Variants in BATF observed in about 807,000 individuals in gnomAD.
BATF encodes basic leucine zipper transcriptional factor ATF-like.
Under a neutral mutation model 13.7 loss-of-function variants are expected in BATF, and 5 were observed. That is an observed-to-expected ratio of 0.36 (90% confidence interval 0.19 to 0.77). The LOEUF (loss-of-function observed/expected upper bound fraction) is 0.77, where lower values mean the gene tolerates loss of function less well. Among genes scored for constraint, BATF ranks in the 30% least tolerant of loss-of-function variants. The pLI is 0.51. For synonymous variants in BATF, 72 were observed against 67.5 expected (o/e 1.07, Z -0.33); for missense variants, 124 against 163.0 (o/e 0.76, Z 1.30).
chr14:75,523,695 C>T (rs999832025), intron 1 of BATF, among the ~76,000 whole-genome samples: 1 of 152,204 alleles, frequency 6.6e-6, no homozygotes, highest in Non-Finnish European at 1.5e-5. Flanking sequence ...AGTTTAAAAA[C>T]TTCATTCTTT....
intron 2 of BATF, among the ~76,000 whole-genome samples, chr14:75,529,891 C>T (rs1205413004): frequency 5.3e-5 from 8 of 151,894 alleles, no homozygotes; most frequent in African/African-American, 1.7e-4. Flanking sequence ...AGTGAAACCC[C>T]GTCTCTACTA....
At chr14:75,538,431 T>C (rs958548202) in intron 2 of BATF, among the ~76,000 whole-genome samples, 3 of 152,198 alleles carry the variant, frequency 2.0e-5, no homozygotes, top group Non-Finnish European at 4.4e-5. Context: ...GTGCTGGCAG[T>C]GTGCACAGCC....
chr14:75,540,321 A>G (rs1316031546), intron 2 of BATF, among the ~76,000 whole-genome samples: 1 of 152,004 alleles, frequency 6.6e-6, no homozygotes, highest in African/African-American at 2.4e-5. Context: ...AAGCCCCTCC[A>G]GTAGGGGATT....
chr14:75,539,269 G>A (rs1203147285), intron 2 of BATF, among the ~76,000 whole-genome samples: 2 of 152,128 alleles, frequency 1.3e-5, no homozygotes, highest in African/African-American at 2.4e-5. Flanking sequence ...TTGAAGGAAG[G>A]AAGCCTTTGT....
At chr14:75,536,328 G>A (rs1200145925) in intron 2 of BATF, among the ~76,000 whole-genome samples, 1 of 152,220 alleles carries the variant, frequency 6.6e-6, no homozygotes, top group Non-Finnish European at 1.5e-5. Flanking sequence ...AGCCTAGAGA[G>A]CCTTGAGGCC....
intron 2 of BATF, among the ~76,000 whole-genome samples, chr14:75,534,747 G>A (rs1263905683): frequency 2.0e-5 from 3 of 152,154 alleles, no homozygotes; most frequent in South Asian, 4.1e-4. Flanking sequence ...AGAAGCATTC[G>A]CTAGTGGTGA....
At chr14:75,544,594 T>C (rs113669837) in intron 2 of BATF, among the ~76,000 whole-genome samples, 14 of 147,938 alleles carry the variant, frequency 9.5e-5, no homozygotes, top group African/African-American at 3.5e-4. Context: ...AAAATTCAGA[T>C]CTGCAGACTT....
intron 2 of BATF, among the ~76,000 whole-genome samples, chr14:75,544,209 A>G (rs917675975): frequency 2.0e-5 from 3 of 152,190 alleles, no homozygotes; most frequent in South Asian, 4.1e-4. Context: ...TAAAAATCCA[A>G]ATTTCACTCC....
chr14:75,525,186 C>T lies in BATF; in HGVS notation c.166C>T (p.Leu56=), dbSNP rs1483813922. The T allele has an allele frequency of 6.2e-7, 1 of 1,613,376 alleles. No homozygotes were observed. The highest frequency in any genetic ancestry group is 1.3e-5 in the African/African-American group (1 of 74,896). Residue 56 remains leucine, a splice_region_variant and synonymous_variant, in exon 2 of 3, where the codon CTG becomes TTG. Coordinates refer to ENST00000286639, the MANE Select transcript of BATF (RefSeq NM_006399.5). ...RQTQKADTLH[L]ESEDLEKQNA... is the part of the protein sequence containing the mutation. ...GACACAGAAGGCCGACACCCTGCAC[C>T]TGGTAAGTGTTCAGATCAATCTTCA...
intron 1 of BATF, among the ~76,000 whole-genome samples, chr14:75,524,338 T>G (rs868129953): frequency 6.6e-6 from 1 of 152,164 alleles, no homozygotes; most frequent in Non-Finnish European, 1.5e-5. Flanking sequence ...GTGCCAGGCA[T>G]TGTGCTGGGG....
intron 2 of BATF, among the ~76,000 whole-genome samples, chr14:75,527,430 G>A (rs1460695154): frequency 2.0e-5 from 3 of 152,150 alleles, no homozygotes; most frequent in Non-Finnish European, 4.4e-5. Context: ...TTCTAGGGCT[G>A]GAGATCTTCC....
intron 2 of BATF, among the ~76,000 whole-genome samples, chr14:75,533,113 T>C (rs1488898653): frequency 6.6e-6 from 1 of 152,116 alleles, no homozygotes; most frequent in Non-Finnish European, 1.5e-5. Context: ...TCGGCATGGC[T>C]AAGTTTGGGA....
intron 2 of BATF, among the ~76,000 whole-genome samples, chr14:75,534,460 C>T (rs1355241330): frequency 6.6e-6 from 1 of 152,046 alleles, no homozygotes; most frequent in East Asian, 1.9e-4. Context: ...TAAAATTTAC[C>T]CACAAGATGC....
rs772707802 is a variant in BATF, at chr14:75,522,756, C to T, written c.63+11C>T. 2 of 1,614,074 alleles carry T rather than the reference C, an allele frequency of 1.2e-6. No individual in the cohort carries two copies. The highest frequency in any genetic ancestry group is 1.7e-6 in the Non-Finnish European group (2 of 1,179,924). Reference sequence around the variant, plus strand: ...CCCCCTGGCAAACAGGTAGAGTCCTCCTTTTTCTCTCTCCTACCTTCTGAT... The same window carrying T: ...CCCCCTGGCAAACAGGTAGAGTCCTTCTTTTTCTCTCTCCTACCTTCTGAT... On this transcript the variant is annotated intron_variant, in intron 1 of 2. Coordinates refer to ENST00000286639, the MANE Select transcript of BATF (RefSeq NM_006399.5).
chr14:75,545,156 C>T (rs1595010117), intron 2 of BATF, among the ~76,000 whole-genome samples: 1 of 152,176 alleles, frequency 6.6e-6, no homozygotes, highest in Middle Eastern at 3.4e-3. Context: ...TTCTGGTAGG[C>T]CGGACAGGGT....
chr14:75,532,476 G>T (rs1040768429), intron 2 of BATF, among the ~76,000 whole-genome samples: 4 of 152,180 alleles, frequency 2.6e-5, no homozygotes, highest in Non-Finnish European at 5.9e-5. Context: ...AGATACAATT[G>T]GTATATCAAA....
At chr14:75,536,992 C>G (rs1887829635) in intron 2 of BATF, among the ~76,000 whole-genome samples, 1 of 152,140 alleles carries the variant, frequency 6.6e-6, no homozygotes, top group African/African-American at 2.4e-5. Context: ...ACAGCCTGCC[C>G]TTTTCCTAGA....
At chr14:75,535,680 C>T (rs1412191292) in intron 2 of BATF, among the ~76,000 whole-genome samples, 2 of 152,040 alleles carry the variant, frequency 1.3e-5, no homozygotes, top group Non-Finnish European at 2.9e-5. Context: ...AGGAATACTT[C>T]GAGAGTGGAA....
intron 2 of BATF, among the ~76,000 whole-genome samples, chr14:75,536,722 T>TTAAATTAAATAAAA (rs1555372627): frequency 8.0e-6 from 1 of 125,766 alleles, no homozygotes; most frequent in Non-Finnish European, 1.7e-5. Flanking sequence ...GATCCTGTCT[T>TTAAATTAAATAAAA]TAAAATAAAA....
Sources: gnomAD v4.1 joint callset for allele counts (sites outside exome capture counted in the v4.1 genomes callset) on GRCh38, gnomAD v4.1.1 for gene constraint, MANE v1.5 for transcripts, NCBI Gene and HGNC (gene_info 2026-07-23, HGNC 2026-07-21) for gene names.